The following DTD1 variants were observed in gnomAD, a reference collection of about 807,000 sequenced individuals.
The protein encoded by DTD1 is D-aminoacyl-tRNA deacylase 1.
Under a neutral mutation model 25.6 loss-of-function variants are expected in DTD1, and 13 were observed. That is an observed-to-expected ratio of 0.51 (90% CI 0.33 to 0.81). DTD1 has a LOEUF of 0.81. Ranked by LOEUF, DTD1 falls within the 30% of genes least tolerant of loss-of-function variation. The probability of loss-of-function intolerance (pLI) is 0.02; values close to 1 mark genes in which losing one functional copy is unlikely to be tolerated. For synonymous variants in DTD1, 110 were observed against 103.6 expected (o/e 1.06, Z -0.37); for missense variants, 193 against 266.4 (o/e 0.72, Z 1.92).
At chr20:18,590,362 T>G (rs2060584355) in intron 1 of DTD1, among the ~76,000 whole-genome samples, 1 of 152,138 alleles carries the variant, frequency 6.6e-6, no homozygotes, top group African/African-American at 2.4e-5. Flanking sequence ...AGTCACACAT[T>G]TTACTATGTG....
At chr20:18,689,060 T>G (rs1212166744) in intron 4 of DTD1, among the ~76,000 whole-genome samples, 1 of 152,186 alleles carries the variant, frequency 6.6e-6, no homozygotes, top group East Asian at 1.9e-4. Context: ...AGACTATAGC[T>G]GTGTTAAAGT....
chr20:18,700,220 T>C (rs1016526679), intron 4 of DTD1, among the ~76,000 whole-genome samples: 5 of 152,214 alleles, frequency 3.3e-5, no homozygotes, highest in African/African-American at 1.2e-4. Context: ...CCTTGATCAC[T>C]CACTTGGTCA....
intron 4 of DTD1, among the ~76,000 whole-genome samples, chr20:18,704,389 A>C (rs1281862607): frequency 6.6e-6 from 1 of 152,134 alleles, no homozygotes; most frequent in Non-Finnish European, 1.5e-5. Context: ...ATGTGCTTAC[A>C]TGGGCAGAAA....
rs1424468890 is a variant in DTD1, at chr20:18,628,234, G to A, written c.477+1G>A. Reference sequence around the variant, plus strand: ...CACTGCTACCTCTGACCCAAAGCAGGTAAGCCTGGAGTCTGGTGCCTGGCT... The same window carrying A: ...CACTGCTACCTCTGACCCAAAGCAGATAAGCCTGGAGTCTGGTGCCTGGCT... On this transcript the variant is annotated splice_donor_variant, in intron 4 of 5. Transcript: ENST00000377452. LOFTEE classifies it high-confidence loss of function. The A allele has an allele frequency of 1.2e-6, 2 of 1,612,376 alleles. No homozygotes were observed.
intron 5 of DTD1, among the ~76,000 whole-genome samples, chr20:18,744,655 A>AAAAAAAAC (rs10632823): frequency 0.049 from 5,846 of 119,608 alleles, 610 homozygotes; most frequent in East Asian, 0.16. Flanking sequence ...AAAACAAAAA[A>AAAAAAAAC]CAAGTGAAAG....
At chr20:18,622,954 T>G (rs1010603615) in intron 3 of DTD1, among the ~76,000 whole-genome samples, 16 of 150,840 alleles carry the variant, frequency 1.1e-4, no homozygotes, top group Non-Finnish European at 2.1e-4. Flanking sequence ...TTTTTTTTTT[T>G]GTCTGAGATG....
chr20:18,658,188 GA>G (rs2060897338), intron 4 of DTD1, among the ~76,000 whole-genome samples: 1 of 105,092 alleles, frequency 9.5e-6, no homozygotes, highest in Admixed American at 1.1e-4. Flanking sequence ...AAGAGTCTGA[GA>G]TGTGTGTGTG....
chr20:18,689,529 T>A (rs926514827), intron 4 of DTD1, among the ~76,000 whole-genome samples: 2 of 152,188 alleles, frequency 1.3e-5, no homozygotes, highest in Non-Finnish European at 2.9e-5. Context: ...TTAGTTATCC[T>A]CTGTCTCAGT....
chr20:18,614,306 A>C (rs1238411040), intron 3 of DTD1, among the ~76,000 whole-genome samples: 3 of 152,212 alleles, frequency 2.0e-5, no homozygotes, highest in Non-Finnish European at 2.9e-5. Context: ...GTGGCAGTGC[A>C]GTTCTCGGGA....
intron 4 of DTD1, among the ~76,000 whole-genome samples, chr20:18,651,333 G>C (rs1452901606): frequency 6.6e-6 from 1 of 152,076 alleles, no homozygotes; most frequent in Non-Finnish European, 1.5e-5. Context: ...TGTATTTTTA[G>C]TAGAGAGGGG....
At chr20:18,620,074 G>C (rs887000327) in intron 3 of DTD1, 1 of 152,016 alleles carries the variant, frequency 6.6e-6, no homozygotes, top group Non-Finnish European at 1.5e-5. Flanking sequence ...AAGACACACT[G>C]TTTTAGTTAT....
At chr20:18,661,717 T>G (rs1014022758) in intron 4 of DTD1, among the ~76,000 whole-genome samples, 5 of 152,106 alleles carry the variant, frequency 3.3e-5, no homozygotes, top group Non-Finnish European at 7.4e-5. Flanking sequence ...TTTATGAAAC[T>G]TTGTTTAAAC....
chr20:18,599,427 A>G (rs927914447), intron 3 of DTD1, among the ~76,000 whole-genome samples: 1 of 151,910 alleles, frequency 6.6e-6, no homozygotes, highest in Non-Finnish European at 1.5e-5. Flanking sequence ...CGCCCACATC[A>G]GCCTCCCAAA....
chr20:18,717,791 GC>G lies in DTD1; in HGVS notation c.478-26308del, dbSNP rs201392489. ...TCCCCTCAGAAAACTTAGAGCTTAAGCTAAATGTGATCAGCTAGAACTTCTC... is the reference window on the plus strand; with the variant it reads ...TCCCCTCAGAAAACTTAGAGCTTAAGTAAATGTGATCAGCTAGAACTTCTC... On this transcript the variant is annotated intron_variant, in intron 4 of 5. Transcript: ENST00000377452. 7.8e-3 allele frequency among the ~76,000 whole-genome samples: 1,186 copies of G among 152,248 alleles called. 8 individuals carry two copies. The highest frequency in any genetic ancestry group is 0.012 in the Non-Finnish European group (849 of 68,018).
intron 4 of DTD1, among the ~76,000 whole-genome samples, chr20:18,729,024 G>A (rs1437521902): frequency 6.6e-6 from 1 of 152,218 alleles, no homozygotes; most frequent in East Asian, 1.9e-4. Flanking sequence ...GATTGCTTAA[G>A]ATAGGGTCTC....
chr20:18,665,273 C>T (rs2060927452), intron 4 of DTD1, among the ~76,000 whole-genome samples: 1 of 152,180 alleles, frequency 6.6e-6, no homozygotes, highest in Non-Finnish European at 1.5e-5. Flanking sequence ...GCTTCTGTGA[C>T]AGGCTGGCAC....
chr20:18,689,039 T>C (rs1027113424), intron 4 of DTD1, among the ~76,000 whole-genome samples: 1 of 152,216 alleles, frequency 6.6e-6, no homozygotes, highest in Admixed American at 6.5e-5. Context: ...CTAATACTCG[T>C]GCTAGGAAAA....
At chr20:18,728,818 T>G (rs62217026) in intron 4 of DTD1, among the ~76,000 whole-genome samples, 52,872 of 151,928 alleles carry the variant, frequency 0.35, 9,527 homozygotes, top group Non-Finnish European at 0.4. Context: ...GTATTTTGAG[T>G]CAGGAGAATA....
intron 3 of DTD1, 106 bp from the exon 4 acceptor site, chr20:18,628,021 T>C (rs2060766446): frequency 6.6e-6 from 6 of 908,620 alleles, no homozygotes; most frequent in Non-Finnish European, 1.0e-5. Context: ...TTCCCAGTAT[T>C]GAGTATGTCT....
Sources: gnomAD v4.1 joint callset for allele counts (sites outside exome capture counted in the v4.1 genomes callset) on GRCh38, gnomAD v4.1.1 for gene constraint, MANE v1.5 for transcripts, NCBI Gene and HGNC (gene_info 2026-07-23, HGNC 2026-07-21) for gene names.